The following CCDC146 variants were observed in gnomAD, a reference collection of about 807,000 sequenced individuals.
CCDC146 encodes coiled-coil domain containing 146, also known as coiled-coil domain-containing protein 146.
CCDC146 carries 92 observed loss-of-function variants against 119.3 expected under a neutral mutation model. The ratio of observed to expected loss-of-function variants is 0.77; its 90% CI spans 0.65 to 0.92. The LOEUF (loss-of-function observed/expected upper bound fraction) is 0.92. CCDC146 is among the 40% of genes least tolerant of loss of function. The pLI, the probability that CCDC146 is intolerant of heterozygous loss-of-function variation, is 0.00. For synonymous variants in CCDC146, 372 were observed against 371.8 expected (o/e 1.00, Z -0.01); for missense variants, 1,000 against 1,103.0 (o/e 0.91, Z 1.32).
chr7:77,139,935 G>A (rs991030936), intron 1 of CCDC146, among the ~76,000 whole-genome samples: 4 of 144,330 alleles, frequency 2.8e-5, no homozygotes, highest in Non-Finnish European at 6.0e-5. Flanking sequence ...AGTCTTGCTT[G>A]TCACCCAGGC....
intron 5 of CCDC146, among the ~76,000 whole-genome samples, chr7:77,254,924 A>G (rs997398598): frequency 1.3e-5 from 2 of 152,266 alleles, no homozygotes; most frequent in African/African-American, 4.8e-5. Context: ...TTTTACAAAG[A>G]AAATGTATCA....
intron 1 of CCDC146, among the ~76,000 whole-genome samples, chr7:77,144,002 T>G (rs554544709): frequency 6.6e-6 from 1 of 151,902 alleles, no homozygotes; most frequent in South Asian, 2.1e-4. Context: ...TAAATTACTT[T>G]GGGCAGTATG....
chr7:77,219,354 A>G (rs1408612305), intron 2 of CCDC146, among the ~76,000 whole-genome samples: 1 of 150,130 alleles, frequency 6.7e-6, no homozygotes, highest in Non-Finnish European at 1.5e-5. Context: ...GTATGGTTCT[A>G]TCTGCTTTTT....
At chr7:77,174,110 C>T (rs1791466717) in intron 2 of CCDC146, among the ~76,000 whole-genome samples, 1 of 152,138 alleles carries the variant, frequency 6.6e-6, no homozygotes, top group African/African-American at 2.4e-5. Context: ...AAACACTCTA[C>T]TGGCTTATCA....
At chr7:77,288,478 T>G (rs1793887393) in intron 17 of CCDC146, among the ~76,000 whole-genome samples, 1 of 152,178 alleles carries the variant, frequency 6.6e-6, no homozygotes, top group Non-Finnish European at 1.5e-5. Flanking sequence ...CATTTCTGGG[T>G]CATGTCCGTG....
intron 2 of CCDC146, among the ~76,000 whole-genome samples, chr7:77,209,408 G>C (rs1260392816): frequency 2.0e-5 from 3 of 152,242 alleles, no homozygotes; most frequent in African/African-American, 7.2e-5. Flanking sequence ...GGGCTCTCAA[G>C]GCCTTGGGCA....
intron 2 of CCDC146, among the ~76,000 whole-genome samples, chr7:77,178,333 G>T (rs1791531377): frequency 2.0e-5 from 3 of 152,198 alleles, no homozygotes. Context: ...GAAGAAGAAA[G>T]ATAAAGAAAA....
At chr7:77,285,080 C>T (rs1208647257) in intron 15 of CCDC146, among the ~76,000 whole-genome samples, 2 of 151,772 alleles carry the variant, frequency 1.3e-5, no homozygotes, top group African/African-American at 4.8e-5. Flanking sequence ...TTTAATTGTC[C>T]AACAATCTAA....
chr7:77,215,160 G>A (rs996302870), intron 2 of CCDC146, among the ~76,000 whole-genome samples: 8 of 148,542 alleles, frequency 5.4e-5, no homozygotes, highest in African/African-American at 1.3e-4. Flanking sequence ...AAAGGTGAGA[G>A]GTGTTGTGGG....
At chr7:77,251,314 G>A (rs1244695410) in intron 4 of CCDC146, among the ~76,000 whole-genome samples, 14 of 152,112 alleles carry the variant, frequency 9.2e-5, no homozygotes, top group Middle Eastern at 3.4e-3. Flanking sequence ...GAACCACCAT[G>A]CCTGGCTGAG....
intron 17 of CCDC146, 100 bp downstream of exon 17, chr7:77,287,677 T>G: frequency 7.7e-7 from 1 of 1,290,836 alleles, no homozygotes; most frequent in Non-Finnish European, 1.1e-6. Flanking sequence ...ACTGGAGAGA[T>G]TAGGCTTTAT....
At chr7:77,228,269 A>G (rs1792554591) in intron 2 of CCDC146, among the ~76,000 whole-genome samples, 1 of 152,192 alleles carries the variant, frequency 6.6e-6, no homozygotes, top group Non-Finnish European at 1.5e-5. Flanking sequence ...TATTAAGCCT[A>G]GTACCTATTA....
At chr7:77,143,997 T>C (rs1790976892) in intron 1 of CCDC146, among the ~76,000 whole-genome samples, 1 of 151,780 alleles carries the variant, frequency 6.6e-6, no homozygotes. Flanking sequence ...ATCTATAAAT[T>C]ACTTTGGGCA....
chr7:77,251,841 T>C (rs1008851026), intron 4 of CCDC146, among the ~76,000 whole-genome samples: 1 of 152,072 alleles, frequency 6.6e-6, no homozygotes, highest in Admixed American at 6.6e-5. Flanking sequence ...GAGAAAAAAA[T>C]TTTGAATAAA....
chr7:77,224,664 G>A (rs534370445), intron 2 of CCDC146, among the ~76,000 whole-genome samples: 62 of 152,286 alleles, frequency 4.1e-4, no homozygotes, highest in African/African-American at 1.4e-3. Context: ...GAGATAGAGG[G>A]AGGAGACAGG....
chr7:77,241,594 G>T, intron 3 of CCDC146, 97 bp from the exon 4 acceptor site: 1 of 982,640 alleles, frequency 1.0e-6, no homozygotes, highest in South Asian at 1.5e-5. Context: ...GAGTTGATCT[G>T]AGGAGTGGGG....
rs150420034 is a variant in CCDC146 at position 77,262,037 on chromosome 7, G to A, written c.987-84G>A. The A allele has an allele frequency of 3.4e-5, 39 of 1,135,354 alleles. No individual in the cohort carries two copies. In the African/African-American group the frequency reaches 5.3e-4, roughly 15 times the overall value. 70.3% of individuals were successfully genotyped at this position (1,135,354 alleles called of 1,614,324 possible). On this transcript the variant is annotated intron_variant, in intron 8 of 18. Transcript: ENST00000285871. ...AGAAGAGATTGGGAGCCAATATTCA[G>A]CATGCTGTCTTGATAAGTTTTGAAA...
At chr7:77,214,606 A>G (rs903474702) in intron 2 of CCDC146, among the ~76,000 whole-genome samples, 1 of 152,092 alleles carries the variant, frequency 6.6e-6, no homozygotes, top group Non-Finnish European at 1.5e-5. Flanking sequence ...GTTAATTTTT[A>G]TATGTGGTGA....
chr7:77,262,040 T>A (rs1485456378), intron 8 of CCDC146, 81 bp from the exon 9 acceptor site: 1 of 1,168,376 alleles, frequency 8.6e-7, no homozygotes. Context: ...ATATTCAGCA[T>A]GCTGTCTTGA....
Sources: allele counts gnomAD v4.1 joint callset (sites outside exome capture counted in the v4.1 genomes callset), GRCh38; gene constraint gnomAD v4.1.1; transcripts MANE v1.5; gene names NCBI Gene and HGNC (gene_info 2026-07-23, HGNC 2026-07-21).